The following ADAMTS15 variants were observed in gnomAD, a reference collection of about 807,000 sequenced individuals.
ADAMTS15 encodes A disintegrin and metalloproteinase with thrombospondin motifs 15.
In ADAMTS15, 35 loss-of-function variants were observed where a neutral mutation model predicts 79.1. The ratio of observed to expected loss-of-function variants is 0.44; its 90% CI spans 0.34 to 0.59. ADAMTS15 has a LOEUF of 0.59. Among genes scored for constraint, ADAMTS15 ranks in the 20% least tolerant of loss-of-function variants. ADAMTS15 has a pLI of 0.02. For missense variants in ADAMTS15, 1,324 were observed against 1,318.7 expected (o/e 1.00, Z -0.06); for synonymous variants, 616 against 567.3 (o/e 1.09, Z -1.22).
chr11:130,468,249 A>AT (rs1447021333), intron 4 of ADAMTS15, among the ~76,000 whole-genome samples: 2 of 152,082 alleles, frequency 1.3e-5, no homozygotes, highest in Non-Finnish European at 2.9e-5. Context: ...TATCAAACCC[A>AT]TTTTTGCAAG....
At chr11:130,461,693 T>C in intron 2 of ADAMTS15, 72 bp downstream of exon 2, 5 of 1,591,280 alleles carry the variant, frequency 3.1e-6, no homozygotes, top group Non-Finnish European at 4.3e-6. Context: ...GAGACGTGTG[T>C]CTTTGCCCCC....
intron 4 of ADAMTS15, among the ~76,000 whole-genome samples, chr11:130,464,558 A>G (rs1938263894): frequency 2.0e-5 from 3 of 152,170 alleles, no homozygotes; most frequent in Non-Finnish European, 1.5e-5. Context: ...ATCTGGGCCT[A>G]CAATCTATTG....
intron 1 of ADAMTS15, among the ~76,000 whole-genome samples, chr11:130,458,995 T>C (rs977674084): frequency 5.3e-5 from 8 of 149,986 alleles, no homozygotes; most frequent in African/African-American, 2.0e-4. Context: ...TTCCCTAAAC[T>C]GCTGGTCGGG....
chr11:130,448,901 C>G lies in ADAMTS15; in HGVS notation c.-73C>G. On this transcript the variant is annotated 5_prime_UTR_variant, in exon 1 of 8. Coordinates refer to ENST00000299164, the MANE Select transcript of ADAMTS15 (RefSeq NM_139055.4). Reference sequence around the variant, plus strand: ...TGGCGGTTCCAGAGTGCGGGCTGCACGGAGACCGCGGCAGCGGCCGGAGAG... The same window carrying G: ...TGGCGGTTCCAGAGTGCGGGCTGCAGGGAGACCGCGGCAGCGGCCGGAGAG... The G allele has an allele frequency of 4.8e-6, 6 of 1,240,540 alleles. No homozygotes were observed. The highest frequency in any genetic ancestry group is 2.9e-5 in the Admixed American group (1 of 34,864). The allele number at this position is 1,240,540 out of a possible 1,614,324, so 76.8% of individuals were successfully genotyped here. A position where few individuals can be genotyped will look rare whatever the true frequency, so the allele number is the denominator to read the frequency against.
At position 130,471,347 on chromosome 11, in the gene ADAMTS15, G is replaced by A. The variant is rs547966129; in HGVS notation, c.2042G>A (p.Ser681Asn). 25 of 1,611,274 alleles carry A rather than the reference G, an allele frequency of 1.6e-5. No individual in the cohort carries two copies. In the African/African-American group the frequency reaches 2.9e-4, roughly 19 times the overall value. Residue 681 changes from serine to asparagine, a missense_variant, in exon 7 of 8, where the codon AGC becomes AAC. Transcript: ENST00000299164. ...GGGGTGTGTGGGGGAGACAATAAGA[G>A]CTGCAAGAAGGTGACTGGACTCTTC... ...KCGVCGGDNK[S>N]CKKVTGLFTK...
Position 130,465,713 on chromosome 11 carries a change from C to T in ADAMTS15, c.1542+2933C>T, listed in dbSNP as rs574253428. Among the ~76,000 whole-genome samples, 45 of 152,150 alleles carry T rather than the reference C, an allele frequency of 3.0e-4. No homozygotes were observed. In the South Asian group the frequency reaches 4.2e-3, roughly 14 times the overall value. ...GTTACCTTTCCTCCCATCGTCCAGC[C>T]GGCTAGCAGCATTTCTGGCAACCCA... On this transcript the variant is annotated intron_variant, in intron 4 of 7. Coordinates refer to ENST00000299164, the MANE Select transcript of ADAMTS15 (RefSeq NM_139055.4).
chr11:130,470,138 A>ATATACATG (rs1938395982), intron 5 of ADAMTS15, among the ~76,000 whole-genome samples: 1 of 66,942 alleles, frequency 1.5e-5, no homozygotes, highest in African/African-American at 8.2e-5. Flanking sequence ...ATATACATAT[A>ATATACATG]TATATATATA....
At chr11:130,466,662 T>G (rs1342912103) in intron 4 of ADAMTS15, among the ~76,000 whole-genome samples, 1 of 152,208 alleles carries the variant, frequency 6.6e-6, no homozygotes, top group Non-Finnish European at 1.5e-5. Context: ...GCTTCTGATC[T>G]TACTCCTTAC....
In ADAMTS15 at chr11:130,449,737, A is replaced by T; in HGVS notation, c.764A>T (p.His255Leu). 6.2e-7 allele frequency: 1 copy of T among 1,612,762 alleles called. No individual in the cohort carries two copies. ...LLATAARLYR[H>L]PSILNPINIV... The stretch of plus-strand genomic sequence containing the variant: ...GCAACGGCGGCGCGACTCTACCGCC[A>T]TCCCAGCATCCTCAACCCCATCAAC... Residue 255 changes from histidine to leucine, a missense_variant, in exon 1 of 8, where the codon CAT (histidine) becomes CTT (leucine). Transcript: ENST00000299164. This position sits in a 1 kb window ranked among gnomAD's most constrained non-coding sequence, Gnocchi z 7.8.
At chr11:130,465,319 TG>T (rs1032224675) in intron 4 of ADAMTS15, among the ~76,000 whole-genome samples, 2 of 152,224 alleles carry the variant, frequency 1.3e-5, no homozygotes, top group African/African-American at 4.8e-5. Flanking sequence ...TCTGAGGCCA[TG>T]CTGTGTGCTT....
At chr11:130,456,441 G>A (rs1592144756) in intron 1 of ADAMTS15, among the ~76,000 whole-genome samples, 1 of 152,174 alleles carries the variant, frequency 6.6e-6, no homozygotes, top group Non-Finnish European at 1.5e-5. Flanking sequence ...GCCAGTAGAA[G>A]TAACTAACAT....
At chr11:130,468,282 G>C (rs1050542622) in intron 4 of ADAMTS15, among the ~76,000 whole-genome samples, 1 of 152,176 alleles carries the variant, frequency 6.6e-6, no homozygotes, top group East Asian at 1.9e-4. Flanking sequence ...AAGCTAAGGA[G>C]GGTTTGCCCG....
At position 130,449,371 on chromosome 11, in the gene ADAMTS15, A is replaced by C. The variant is rs1419914897; in HGVS notation, c.398A>C (p.Glu133Ala). ...GGAGCCTTTGGCTACCGAGGCGCCG[A>C]GTATGTCATTAGCCCGCTGCCCAAT... ...LRGAFGYRGA[E>A]YVISPLPNAS... The change falls in exon 1 of 8, where the codon GAG becomes GCG. Residue 133 changes from glutamate to alanine, a missense_variant. Transcript: ENST00000299164. This position sits in a 1 kb window ranked among gnomAD's most constrained non-coding sequence, Gnocchi z 7.8. 8 of 1,605,100 alleles carry C rather than the reference A, an allele frequency of 5.0e-6. No individual in the cohort carries two copies. The highest frequency in any genetic ancestry group is 1.3e-5 in the African/African-American group (1 of 75,022).
In ADAMTS15 at chr11:130,449,684, C is replaced by T. The variant is rs199889124; in HGVS notation, c.711C>T (p.Asp237=). The T allele has an allele frequency of 8.1e-6, 13 of 1,605,612 alleles. No homozygotes were observed. The African/African-American group carries it at 1.7e-4, about 21-fold the overall frequency. The change falls in exon 1 of 8, where the codon GAC becomes GAT. Residue 237 remains aspartate, a synonymous_variant. Coordinates refer to ENST00000299164, the MANE Select transcript of ADAMTS15 (RefSeq NM_139055.4). The surrounding 1 kb of genome is among the most constrained non-coding windows in gnomAD (Gnocchi z 7.8). The stretch of plus-strand genomic sequence containing the variant: ...CAATGGTCAAGTTCCACGGCGCGGA[C>T]CTGGAACATTATCTGCTGACGCTGC... ...DESMVKFHGA[D]LEHYLLTLLA...
In ADAMTS15 at chr11:130,469,301, T is replaced by G; in HGVS notation, c.1582T>G (p.Cys528Gly). 7.1e-7 allele frequency: 1 copy of G among 1,402,292 alleles called. No homozygotes were observed. Among genetic ancestry groups the G allele is most frequent in the Non-Finnish European group, 9.3e-7 (1 of 1,073,234 alleles). 86.9% of individuals were successfully genotyped at this position (1,402,292 alleles called of 1,614,324 possible). A position where few individuals can be genotyped will look rare whatever the true frequency, so the allele number is the denominator to read the frequency against. ...SWAKWDPYGP[C>G]SRTCGGGVQL... is the part of the protein sequence containing the mutation. The stretch of plus-strand genomic sequence containing the variant: ...GGCCAAATGGGATCCCTATGGCCCC[T>G]GCTCGCGCACATGTGGTGGGGGCGT... The change falls in exon 5 of 8, where the codon TGC becomes GGC. Residue 528 changes from cysteine to glycine, a missense_variant. Cys to Gly is a radical substitution (Grantham distance 159). Coordinates refer to ENST00000299164, the MANE Select transcript of ADAMTS15 (RefSeq NM_139055.4).
chr11:130,464,251 C>T (rs928967794), intron 4 of ADAMTS15, among the ~76,000 whole-genome samples: 11 of 152,174 alleles, frequency 7.2e-5, no homozygotes, highest in Non-Finnish European at 1.5e-4. Flanking sequence ...AGAGAAAATG[C>T]AGTCTGAGAA....
chr11:130,473,843 CCT>C lies in ADAMTS15; in HGVS notation c.*24_*25del. ...CTGAGTGGGGTCATCGCTTTCTCCC[CCT>C]CACTCTCCACCCCACTGATATGCCA... On this transcript the variant is annotated 3_prime_UTR_variant, in exon 8 of 8. Transcript: ENST00000299164. 6.4e-7 allele frequency: 1 copy of C among 1,570,616 alleles called. No individual in the cohort carries two copies. The highest frequency in any genetic ancestry group is 8.6e-7 in the Non-Finnish European group (1 of 1,163,122).
rs1295015003 is a variant in ADAMTS15, at chr11:130,469,401, A to G, written c.1682A>G (p.Lys561Arg). ...GGKYCEGVRV[K>R]YRSCNLEPCP... The stretch of plus-strand genomic sequence containing the variant: ...AAGTACTGCGAGGGAGTGAGGGTGA[A>G]ATACCGATCCTGCAATCTGGAGCCC... The change falls in exon 5 of 8, where the codon AAA (lysine) becomes AGA (arginine). Residue 561 changes from lysine to arginine, a missense_variant. Physicochemically the swap from Lys to Arg is conservative, Grantham distance 26. Transcript: ENST00000299164. 7 of 1,348,632 alleles carry G rather than the reference A, an allele frequency of 5.2e-6. No individual in the cohort carries two copies. The South Asian group carries it at 1.7e-4, about 32-fold the overall frequency. The allele number at this position is 1,348,632 out of a possible 1,614,324, so 83.5% of individuals were successfully genotyped here.
At chr11:130,460,363 G>C (rs911673693) in intron 1 of ADAMTS15, among the ~76,000 whole-genome samples, 1 of 149,702 alleles carries the variant, frequency 6.7e-6, no homozygotes, top group Non-Finnish European at 1.5e-5. Context: ...TGCAACCTCT[G>C]CCTCCCAGGT....
Sources: allele counts gnomAD v4.1 joint callset (sites outside exome capture counted in the v4.1 genomes callset), GRCh38; gene constraint gnomAD v4.1.1; non-coding constraint Gnocchi (gnomAD v3.1); transcripts MANE v1.5; gene names NCBI Gene and HGNC (gene_info 2026-07-23, HGNC 2026-07-21).